The following GABRA5 variants were observed in gnomAD, a reference collection of about 807,000 sequenced individuals.
GABRA5 encodes the protein gamma-aminobutyric acid receptor subunit alpha-5.
Under a neutral mutation model 47.3 loss-of-function variants are expected in GABRA5, and 18 were observed. The ratio of observed to expected loss-of-function variants is 0.38; its 90% confidence interval spans 0.26 to 0.56. GABRA5 has a LOEUF of 0.56. GABRA5 is among the 20% of genes least tolerant of loss of function. The pLI is 0.71. For synonymous variants in GABRA5, 237 were observed against 229.3 expected, an observed-to-expected ratio of 1.03 and a Z score of -0.30; for missense variants, 365 against 599.3, an observed-to-expected ratio of 0.61 and a Z score of 4.08.
intron 7 of GABRA5, among the ~76,000 whole-genome samples, chr15:26,924,585 G>A (rs982442328): frequency 4.6e-5 from 7 of 152,110 alleles, no homozygotes; most frequent in Non-Finnish European, 7.4e-5. Flanking sequence ...AGGAATCAAC[G>A]TCCTGGCCCC....
In GABRA5 at chr15:26,948,014, G is replaced by A. The variant is rs1256089376; in HGVS notation, c.1170G>A (p.Lys390=). The A allele has an allele frequency of 1.2e-6, 2 of 1,603,202 alleles. No individual in the cohort carries two copies. Among genetic ancestry groups the A allele is most frequent in the Admixed American group, 3.4e-5 (2 of 58,260 alleles). ...TGTCTCACCCCCCAAACATTCCGAA[G>A]GAACAGACCCCAGCAGGGACGTCGA... ...GKMSHPPNIP[K]EQTPAGTSNT... is the part of the protein sequence containing the mutation. The change falls in exon 11 of 11, where the codon AAG becomes AAA. Residue 390 remains lysine (K), a synonymous_variant. Coordinates refer to ENST00000335625, the MANE Select transcript of GABRA5 (RefSeq NM_000810.4).
At chr15:26,895,008 C>T (rs1893145894) in intron 6 of GABRA5, among the ~76,000 whole-genome samples, 1 of 152,080 alleles carries the variant, frequency 6.6e-6, no homozygotes, top group Non-Finnish European at 1.5e-5. Flanking sequence ...GGGTCTGAAA[C>T]TGAGCCCAGA....
chr15:26,911,701 C>T (rs959585354), intron 6 of GABRA5, among the ~76,000 whole-genome samples: 1 of 152,136 alleles, frequency 6.6e-6, no homozygotes, highest in Non-Finnish European at 1.5e-5. Flanking sequence ...AGAAACGTCA[C>T]GTCTGGTGCC....
rs1892352020 is a variant in GABRA5 at position 26,867,636 on chromosome 15, C to A, written c.-140+525C>A. 6.6e-6 allele frequency among the ~76,000 whole-genome samples: 1 copy of A among 152,088 alleles called. No individual in the cohort carries two copies. The highest frequency in any genetic ancestry group is 2.1e-4 in the South Asian group (1 of 4,830). On this transcript the variant is annotated intron_variant, in intron 1 of 10. Transcript: ENST00000335625. This position sits in a 1 kb window ranked among gnomAD's most constrained non-coding sequence, Gnocchi z 5.9. ...GTCCGGGCGGCTCATCCCTGCCGGA[C>A]GGGGCACCAGGGCGCGGTGACCGGT...
chr15:26,890,104 T>A (rs958802665), intron 6 of GABRA5, among the ~76,000 whole-genome samples: 4 of 152,196 alleles, frequency 2.6e-5, no homozygotes, highest in African/African-American at 9.7e-5. Context: ...TGTAAAAAAA[T>A]TCACGATACA....
intron 6 of GABRA5, among the ~76,000 whole-genome samples, chr15:26,911,849 G>A (rs893844871): frequency 1.3e-5 from 2 of 152,306 alleles, no homozygotes; most frequent in South Asian, 4.1e-4. Context: ...GAAACTGAGT[G>A]CCTGCCGGGG....
At position 26,948,000 on chromosome 15, in the gene GABRA5, C is replaced by A; in HGVS notation, c.1156C>A (p.Pro386Thr). The change falls in exon 11 of 11, where the codon CCA (proline) becomes ACA (threonine). Residue 386 changes from proline (P) to threonine (T), a missense_variant. Around this residue, in one of 3 missense-constraint regions of GABRA5, gnomAD observed 106 missense variants for 130.3 expected, o/e 0.81. Coordinates refer to ENST00000335625, the MANE Select transcript of GABRA5 (RefSeq NM_000810.4). ...TACAACTGGGAAGATGTCTCACCCC[C>A]CAAACATTCCGAAGGAACAGACCCC... ...AFTTGKMSHP[P>T]NIPKEQTPAG... The A allele has an allele frequency of 6.3e-7, 1 of 1,599,666 alleles. No individual in the cohort carries two copies. Among genetic ancestry groups the A allele is most frequent in the Non-Finnish European group, 8.5e-7 (1 of 1,172,564 alleles).
chr15:26,891,439 C>T (rs554975444), intron 6 of GABRA5, among the ~76,000 whole-genome samples: 1 of 152,210 alleles, frequency 6.6e-6, no homozygotes, highest in East Asian at 1.9e-4. Flanking sequence ...ACCTCCTGGC[C>T]TCTCCCTATT....
At chr15:26,880,739 C>T (rs1283650770) in intron 3 of GABRA5, 107 bp from the exon 4 acceptor site, 24 of 1,150,800 alleles carry the variant, frequency 2.1e-5, no homozygotes, top group Non-Finnish European at 2.9e-5. Context: ...CTCAGATCCT[C>T]GTCTCAGGAG....
rs1272213509 is a variant in GABRA5, at chr15:26,948,253, C to A, written c.*20C>A. On this transcript the variant is annotated 3_prime_UTR_variant, in exon 11 of 11. Coordinates refer to ENST00000335625, the MANE Select transcript of GABRA5 (RefSeq NM_000810.4). ...AAATAACCGGCCACACTCCCAAACT[C>A]CAAGACAGCCATACTTCCAGCGAAA... 1 of 1,603,804 alleles carries A rather than the reference C, an allele frequency of 6.2e-7. No individual in the cohort carries two copies. Among genetic ancestry groups the A allele is most frequent in the East Asian group, 2.2e-5 (1 of 44,760 alleles).
In GABRA5 at chr15:26,883,559, T is replaced by C; in HGVS notation, c.497+2T>C. 7.0e-7 allele frequency: 1 copy of C among 1,431,724 alleles called. No homozygotes were observed. The highest frequency in any genetic ancestry group is 9.6e-7 in the Non-Finnish European group (1 of 1,038,158). 88.7% of individuals were successfully genotyped at this position (1,431,724 alleles called of 1,614,324 possible). On this transcript the variant is annotated splice_donor_variant, in intron 6 of 10. Coordinates refer to ENST00000335625, the MANE Select transcript of GABRA5 (RefSeq NM_000810.4). LOFTEE classifies it high-confidence loss of function. This position sits in a 1 kb window ranked among gnomAD's most constrained non-coding sequence, Gnocchi z 4.8. Reference sequence around the variant, plus strand: ...CGGCACCCTGCTCTACACCATGCGGTGAGCGCCGGGCGGGGGCGGGCGGGG... The same window carrying C: ...CGGCACCCTGCTCTACACCATGCGGCGAGCGCCGGGCGGGGGCGGGCGGGG...
intron 6 of GABRA5, among the ~76,000 whole-genome samples, chr15:26,885,350 G>A (rs974953498): frequency 1.6e-4 from 23 of 144,638 alleles, no homozygotes; most frequent in African/African-American, 5.6e-4. Context: ...TGTGGGGGGC[G>A]TGAGCTCTAT....
intron 6 of GABRA5, among the ~76,000 whole-genome samples, chr15:26,888,733 G>A (rs966902462): frequency 1.3e-5 from 2 of 152,220 alleles, no homozygotes; most frequent in African/African-American, 4.8e-5. Context: ...TGAATTGGGA[G>A]GCAATGGCTC....
At chr15:26,888,395 T>C (rs1892929686) in intron 6 of GABRA5, among the ~76,000 whole-genome samples, 1 of 152,220 alleles carries the variant, frequency 6.6e-6, no homozygotes, top group Admixed American at 6.5e-5. Context: ...CTTCCAGCAC[T>C]AGGCAGGGCA....
intron 6 of GABRA5, among the ~76,000 whole-genome samples, chr15:26,884,688 C>T (rs917923307): frequency 6.6e-6 from 1 of 152,040 alleles, no homozygotes; most frequent in South Asian, 2.1e-4. Context: ...ACACTGTGTC[C>T]TGTTGATTAA....
rs1235065817 is a variant in GABRA5 at position 26,904,557 on chromosome 15, T to C, written c.498-10246T>C. Among the ~76,000 whole-genome samples, 12 of 152,314 alleles carry C rather than the reference T, an allele frequency of 7.9e-5. No individual in the cohort carries two copies. In the East Asian group the frequency reaches 2.3e-3, roughly 29 times the overall value. ...TGAATCTGTAAATTGCTTTCAGCAGTATGGCCATTTTAGTGATATCAATTC... is the reference window on the plus strand; with the variant it reads ...TGAATCTGTAAATTGCTTTCAGCAGCATGGCCATTTTAGTGATATCAATTC... On this transcript the variant is annotated intron_variant, in intron 6 of 10. Coordinates refer to ENST00000335625, the MANE Select transcript of GABRA5 (RefSeq NM_000810.4).
chr15:26,870,010 T>A (rs1252936605), intron 3 of GABRA5, among the ~76,000 whole-genome samples: 2 of 152,254 alleles, frequency 1.3e-5, no homozygotes, highest in Admixed American at 6.5e-5. Context: ...AATGTTCTTA[T>A]GAGGCTGCTG....
chr15:26,894,436 G>C (rs1414258793), intron 6 of GABRA5, among the ~76,000 whole-genome samples: 1 of 152,128 alleles, frequency 6.6e-6, no homozygotes, highest in African/African-American at 2.4e-5. Flanking sequence ...CTCCCGGAAC[G>C]ATCCCGGGCC....
chr15:26,878,284 G>A (rs1174937256), intron 3 of GABRA5, among the ~76,000 whole-genome samples: 1 of 152,220 alleles, frequency 6.6e-6, no homozygotes, highest in Non-Finnish European at 1.5e-5. Context: ...CAGCTTGATA[G>A]AGGCGCTAGC....
Sources: allele counts gnomAD v4.1 joint callset (sites outside exome capture counted in the v4.1 genomes callset), GRCh38; gene constraint gnomAD v4.1.1; regional missense constraint gnomAD v4.1.1; non-coding constraint Gnocchi (gnomAD v3.1); transcripts MANE v1.5; gene names NCBI Gene and HGNC (gene_info 2026-07-23, HGNC 2026-07-21).